The following NSD2 variants were observed in gnomAD, a reference collection of about 807,000 sequenced individuals.
NSD2 encodes the protein nuclear receptor binding SET domain protein 2.
NSD2 carries 12 observed loss-of-function variants against 139.0 expected under a neutral mutation model. The observed-to-expected ratio is 0.09, with a 90% CI of 0.06 to 0.14. The LOEUF (loss-of-function observed/expected upper bound fraction) is 0.14. Among genes scored for constraint, NSD2 ranks in the 10% least tolerant of loss-of-function variants. The probability of loss-of-function intolerance (pLI) is 1.00; values close to 1 mark genes in which losing one functional copy is unlikely to be tolerated. For missense variants in NSD2, 1,155 were observed against 1,745.0 expected (o/e 0.66, Z 6.02); for synonymous variants, 669 against 648.7 (o/e 1.03, Z -0.48).
intron 1 of NSD2, among the ~76,000 whole-genome samples, chr4:1,872,613 A>AGAGAGAGAGAGAGAGAGAGAGAGG (rs1560533957): frequency 7.0e-5 from 10 of 143,766 alleles, no homozygotes; most frequent in African/African-American, 2.3e-4. Flanking sequence ...AGAGAGAGAG[A>AGAGAGAGAGAGAGAGAGAGAGAGG]GAGAGAGAGA....
rs146541406 is a variant in NSD2 at position 1,937,096 on chromosome 4, G to A, written c.1675-1355G>A. On this transcript the variant is annotated intron_variant, in intron 7 of 21. Transcript: ENST00000508803. ...AGAGGGAGTCTCACTTCGTCACCCA[G>A]GCTGGAGTGCAGTGGTGCAATCTTC... Among the ~76,000 whole-genome samples the A allele has an allele frequency of 5.3e-4, 81 of 151,898 alleles. 6 individuals carry two copies. In the East Asian group the frequency reaches 0.011, roughly 20 times the overall value.
intron 18 of NSD2, among the ~76,000 whole-genome samples, chr4:1,965,318 G>T (rs761058778): frequency 3.3e-5 from 5 of 152,162 alleles, no homozygotes; most frequent in Non-Finnish European, 7.3e-5. Context: ...AAAAGGAATT[G>T]TTGAGCCTGA....
At chr4:1,944,933 T>C in intron 9 of NSD2, 4 of 1,063,682 alleles carry the variant, frequency 3.8e-6, no homozygotes, top group Non-Finnish European at 4.6e-6. Context: ...TCCAGTGTTT[T>C]TAAGAGAATG....
chr4:1,953,119 C>T, intron 11 of NSD2: 1 of 1,532,078 alleles, frequency 6.5e-7, no homozygotes, highest in Middle Eastern at 1.7e-4. Context: ...AGCTGGAGCT[C>T]AGATCGCAGC....
At chr4:1,931,831 A>G (rs1357527294) in intron 6 of NSD2, among the ~76,000 whole-genome samples, 3 of 152,128 alleles carry the variant, frequency 2.0e-5, no homozygotes, top group Non-Finnish European at 2.9e-5. Flanking sequence ...AAAAGAAAAT[A>G]TACCTCACTC....
In NSD2 at chr4:1,978,668, A is replaced by G; in HGVS notation, c.3857A>G (p.Asp1286Gly). The G allele has an allele frequency of 6.2e-7, 1 of 1,613,332 alleles. No individual in the cohort carries two copies. Residue 1286 changes from aspartate (D) to glycine (G), a missense_variant, in exon 22 of 22, where the codon GAC becomes GGC. Asp to Gly is a moderately conservative substitution (Grantham distance 94). This residue lies in a region of NSD2 where 25 missense variants were observed against 75.1 expected (regional missense o/e 0.33). Transcript: ENST00000508803. The part of the protein sequence containing the change: ...GKWECPWHHC[D>G]VCGKPSTSFC... ...TGGGAATGTCCTTGGCATCATTGTGACGTGTGTGGCAAACCTTCGACTTCA... is the reference window on the plus strand; with the variant it reads ...TGGGAATGTCCTTGGCATCATTGTGGCGTGTGTGGCAAACCTTCGACTTCA...
rs1191728311 is a variant in NSD2, at chr4:1,918,503, C to T, written c.1290C>T (p.Asp430=). The T allele has an allele frequency of 1.2e-6, 2 of 1,613,946 alleles. No individual in the cohort carries two copies. The highest frequency in any genetic ancestry group is 1.7e-6 in the Non-Finnish European group (2 of 1,179,944). ...CTCCTCAAAAGACGGCAGAGGCTGA[C>T]CCCAGAAGAGGAGTAGGGTCTCCTC... ...KSTPQKTAEA[D]PRRGVGSPPG... Residue 430 remains aspartate (D), a synonymous_variant, in exon 5 of 22, where the codon GAC becomes GAT. Transcript: ENST00000508803.
At chr4:1,921,231 G>C (rs1720073549) in intron 5 of NSD2, among the ~76,000 whole-genome samples, 1 of 152,192 alleles carries the variant, frequency 6.6e-6, no homozygotes, top group South Asian at 2.1e-4. Context: ...GCTGAGGCGG[G>C]TAGATCACTT....
At chr4:1,975,042 A>G (rs750788107) in intron 19 of NSD2, 38 bp downstream of exon 19, 3 of 1,613,106 alleles carry the variant, frequency 1.9e-6, no homozygotes, top group Non-Finnish European at 2.5e-6. Context: ...GCTCCTGGCT[A>G]TGGGGGCAGA....
At chr4:1,913,606 C>T (rs1052023191) in intron 3 of NSD2, among the ~76,000 whole-genome samples, 2 of 152,248 alleles carry the variant, frequency 1.3e-5, no homozygotes, top group African/African-American at 4.8e-5. Context: ...TCCCCTCTCT[C>T]TCTCTGCCTC....
intron 1 of NSD2, among the ~76,000 whole-genome samples, chr4:1,895,654 G>T (rs1716172571): frequency 6.6e-6 from 1 of 152,112 alleles, no homozygotes. Flanking sequence ...TCTCACTGCT[G>T]GTGGGAGGCT....
chr4:1,977,293 G>A (rs1038435675), intron 21 of NSD2, among the ~76,000 whole-genome samples: 2 of 152,248 alleles, frequency 1.3e-5, no homozygotes, highest in Non-Finnish European at 2.9e-5. Context: ...AAACAGTAGC[G>A]TCTTGTTCCA....
chr4:1,940,615 C>T (rs1223414439), intron 9 of NSD2: 2 of 1,062,948 alleles, frequency 1.9e-6, no homozygotes, highest in Non-Finnish European at 2.3e-6. Context: ...CTGTTTTTCT[C>T]ATTGTAGACA....
chr4:1,886,980 C>T lies in NSD2; in HGVS notation c.-29-13646C>T, dbSNP rs139475475. On this transcript the variant is annotated intron_variant, in intron 1 of 21. Transcript: ENST00000508803. ...TCCCATGTTACCTCCCTTCTTCTTCCCAACATTCCCAATATTGTGGTGGTT... is the reference window on the plus strand; with the variant it reads ...TCCCATGTTACCTCCCTTCTTCTTCTCAACATTCCCAATATTGTGGTGGTT... Among the ~76,000 whole-genome samples, 853 of 152,176 alleles carry T rather than the reference C, an allele frequency of 5.6e-3. 7 individuals carry two copies. Among genetic ancestry groups the T allele is most frequent in the African/African-American group, 0.02 (821 of 41,464 alleles).
In NSD2 at chr4:1,974,598, G is replaced by A. The variant is rs552112374; in HGVS notation, c.3373-265G>A. On this transcript the variant is annotated intron_variant, in intron 18 of 21. Coordinates refer to ENST00000508803, the MANE Select transcript of NSD2 (RefSeq NM_001042424.3). This position sits in a 1 kb window ranked among gnomAD's most constrained non-coding sequence, Gnocchi z 4.0. Reference sequence around the variant, plus strand: ...AGCTCCCTTGTTTGCCATCATGGAGGATGCTGGGAGCTCCAGCTCCCTGTC... The same window carrying A: ...AGCTCCCTTGTTTGCCATCATGGAGAATGCTGGGAGCTCCAGCTCCCTGTC... 9.8e-5 allele frequency: 58 copies of A among 593,700 alleles called. No homozygotes were observed. Among genetic ancestry groups the A allele is most frequent in the South Asian group, 9.3e-4 (58 of 62,678 alleles). 36.8% of individuals were successfully genotyped at this position (593,700 alleles called of 1,614,324 possible).
chr4:1,937,633 C>G (rs939364479), intron 7 of NSD2, among the ~76,000 whole-genome samples: 4 of 152,188 alleles, frequency 2.6e-5, no homozygotes, highest in Admixed American at 6.5e-5. Flanking sequence ...TTCTGACATG[C>G]TAGGCACTGT....
In NSD2 at chr4:1,980,841, C is replaced by G; in HGVS notation, c.*1932C>G. ...TTCCAGTTCAGACTCTAACTTCTCC[C>G]AAAGTGTCCTAAGAAAATACTGGAT... On this transcript the variant is annotated 3_prime_UTR_variant, in exon 22 of 22. Coordinates refer to ENST00000508803, the MANE Select transcript of NSD2 (RefSeq NM_001042424.3). 1 of 233,292 alleles carries G rather than the reference C, an allele frequency of 4.3e-6. No individual in the cohort carries two copies. The allele number at this position is 233,292 out of a possible 1,614,324, so 14.5% of individuals were successfully genotyped here.
At position 1,927,012 on chromosome 4, in the gene NSD2, C is replaced by T. The variant is rs1158816050; in HGVS notation, c.1411-3614C>T. 2.6e-5 allele frequency among the ~76,000 whole-genome samples: 4 copies of T among 152,298 alleles called. No homozygotes were observed. In the South Asian group the frequency reaches 8.3e-4, roughly 32 times the overall value. ...TAGCTTAGTGGTTCTGCCTTAGGGT[C>T]TCTTGAAGTTGCATTTAAGATGTTA... is the stretch of plus-strand genomic sequence containing the variant. On this transcript the variant is annotated intron_variant, in intron 5 of 21. Coordinates refer to ENST00000508803, the MANE Select transcript of NSD2 (RefSeq NM_001042424.3).
At chr4:1,901,315 A>C in intron 2 of NSD2, 64 bp downstream of exon 2, 1 of 1,386,400 alleles carries the variant, frequency 7.2e-7, no homozygotes, top group Non-Finnish European at 9.8e-7. Flanking sequence ...CCACCCTATG[A>C]GGGCACCTGC....
Sources: allele counts gnomAD v4.1 joint callset (sites outside exome capture counted in the v4.1 genomes callset), GRCh38; gene constraint gnomAD v4.1.1; regional missense constraint gnomAD v4.1.1; non-coding constraint Gnocchi (gnomAD v3.1); transcripts MANE v1.5; gene names NCBI Gene and HGNC (gene_info 2026-07-23, HGNC 2026-07-21).